The following GRIK2 variants were observed in gnomAD, a reference collection of about 807,000 sequenced individuals.
The protein encoded by GRIK2 is glutamate ionotropic receptor kainate type subunit 2.
A neutral mutation model predicts 100.3 loss-of-function variants in GRIK2; 32 were observed. The observed-to-expected ratio is 0.32, with a 90% CI of 0.24 to 0.43. The LOEUF (loss-of-function observed/expected upper bound fraction) is 0.43. GRIK2 is among the 20% of genes least tolerant of loss of function. The pLI is 1.00. For missense variants in GRIK2, 843 were observed against 1,114.9 expected (o/e 0.76, Z 3.47); for synonymous variants, 417 against 389.4 (o/e 1.07, Z -0.83).
chr6:101,454,632 C>G (rs761144237), intron 2 of GRIK2, among the ~76,000 whole-genome samples: 3 of 152,114 alleles, frequency 2.0e-5, no homozygotes, highest in Non-Finnish European at 4.4e-5. Context: ...ATTTCTAAAA[C>G]TAAACCTTTG....
At chr6:101,415,353 A>G in intron 2 of GRIK2, among the ~76,000 whole-genome samples, 1 of 121,066 alleles carries the variant, frequency 8.3e-6, no homozygotes, top group African/African-American at 3.1e-5. Flanking sequence ...GTCGTCAAGT[A>G]TTTTTCCATA....
At chr6:101,592,588 C>CATATAT (rs3056161) in intron 2 of GRIK2, among the ~76,000 whole-genome samples, 1,782 of 101,722 alleles carry the variant, frequency 0.018, 32 homozygotes, top group African/African-American at 0.019. Context: ...ACTAATATCA[C>CATATAT]ATATATATAT....
At chr6:101,492,205 T>A (rs911444473) in intron 2 of GRIK2, among the ~76,000 whole-genome samples, 1 of 151,938 alleles carries the variant, frequency 6.6e-6, no homozygotes, top group Non-Finnish European at 1.5e-5. Context: ...AGTTTAAACA[T>A]CCTATAATGA....
At chr6:101,606,004 A>C (rs1445898361) in intron 2 of GRIK2, among the ~76,000 whole-genome samples, 1 of 152,046 alleles carries the variant, frequency 6.6e-6, no homozygotes, top group Non-Finnish European at 1.5e-5. Flanking sequence ...ACAGAAATCC[A>C]TAGTTATGAT....
chr6:101,823,192 G>A (rs376557316), intron 10 of GRIK2, among the ~76,000 whole-genome samples: 5 of 152,096 alleles, frequency 3.3e-5, no homozygotes, highest in Admixed American at 2.6e-4. Flanking sequence ...CAATCAAGAC[G>A]GTATAGGAGC....
intron 7 of GRIK2, among the ~76,000 whole-genome samples, chr6:101,717,862 G>T (rs935008659): frequency 2.6e-5 from 4 of 151,764 alleles, no homozygotes; most frequent in African/African-American, 9.7e-5. Flanking sequence ...CAGTTTAGTT[G>T]TATGTGCTTG....
chr6:101,850,685 A>G lies in GRIK2; in HGVS notation c.1318-8602A>G, dbSNP rs562882117. Among the ~76,000 whole-genome samples, 3 of 152,158 alleles carry G rather than the reference A, an allele frequency of 2.0e-5. No homozygotes were observed. The South Asian group carries it at 6.2e-4, about 32-fold the overall frequency. On this transcript the variant is annotated intron_variant, in intron 10 of 16. Transcript: ENST00000369134. ...CCCAGTCTAATGCAGATAAAAATAT[A>G]TGAGTTATTGGGTTCCTTAAAACTG...
chr6:101,402,497 C>T (rs534490495), intron 2 of GRIK2, among the ~76,000 whole-genome samples: 110 of 152,280 alleles, frequency 7.2e-4, no homozygotes, highest in Non-Finnish European at 1.2e-3. Context: ...GAAAAGGTAT[C>T]CGGAGCACCG....
chr6:101,921,095 C>T lies in GRIK2; in HGVS notation c.1749-3506C>T, dbSNP rs1789461943. On this transcript the variant is annotated intron_variant, in intron 12 of 16. Transcript: ENST00000369134. ...ATGAAAAAGACATTCTAGAAGTTTACCGACATAATTTGACAACTGCTGGAG... is the reference window on the plus strand; with the variant it reads ...ATGAAAAAGACATTCTAGAAGTTTATCGACATAATTTGACAACTGCTGGAG... Among the ~76,000 whole-genome samples, 4 of 151,880 alleles carry T rather than the reference C, an allele frequency of 2.6e-5. No homozygotes were observed. The South Asian group carries it at 8.3e-4, about 32-fold the overall frequency.
intron 12 of GRIK2, among the ~76,000 whole-genome samples, chr6:101,904,918 C>T (rs919862402): frequency 4.0e-5 from 6 of 151,494 alleles, no homozygotes; most frequent in South Asian, 2.1e-4. Context: ...ACATTTTTTA[C>T]GATTATAATC....
At chr6:101,626,004 G>A (rs1780418400) in intron 3 of GRIK2, among the ~76,000 whole-genome samples, 2 of 152,130 alleles carry the variant, frequency 1.3e-5, no homozygotes, top group South Asian at 2.1e-4. Flanking sequence ...AATGGAAAAT[G>A]TAAAAACTGT....
At chr6:101,497,647 G>C (rs1296018896) in intron 2 of GRIK2, among the ~76,000 whole-genome samples, 1 of 151,874 alleles carries the variant, frequency 6.6e-6, no homozygotes, top group Non-Finnish European at 1.5e-5. Context: ...ACATATTAAA[G>C]TTTCATACTT....
chr6:101,835,539 C>T (rs1051074941), intron 10 of GRIK2, among the ~76,000 whole-genome samples: 2 of 142,540 alleles, frequency 1.4e-5, no homozygotes, highest in Non-Finnish European at 3.0e-5. Context: ...GGCATGACCT[C>T]GGCTCACTGC....
chr6:101,577,961 A>G (rs1777869224), intron 2 of GRIK2, among the ~76,000 whole-genome samples: 6 of 152,102 alleles, frequency 3.9e-5, no homozygotes, highest in Admixed American at 3.9e-4. Context: ...TGAAGTCTAG[A>G]TCACAAACTT....
chr6:101,731,916 T>C (rs1024652316), intron 7 of GRIK2, among the ~76,000 whole-genome samples: 2 of 152,020 alleles, frequency 1.3e-5, no homozygotes, highest in African/African-American at 2.4e-5. Context: ...TACATAGTTT[T>C]CCTAGGAATT....
intron 2 of GRIK2, among the ~76,000 whole-genome samples, chr6:101,578,110 G>GT (rs1777875198): frequency 6.6e-6 from 1 of 152,160 alleles, no homozygotes; most frequent in African/African-American, 2.4e-5. Flanking sequence ...TACCCTAGAA[G>GT]CCATTGGCTA....
intron 2 of GRIK2, among the ~76,000 whole-genome samples, chr6:101,610,020 A>G (rs1779602674): frequency 6.6e-6 from 1 of 151,776 alleles, no homozygotes; most frequent in South Asian, 2.1e-4. Context: ...AGTAATTTTA[A>G]GAATTTTAAG....
intron 10 of GRIK2, among the ~76,000 whole-genome samples, chr6:101,832,869 C>T (rs1416945532): frequency 6.6e-6 from 1 of 152,160 alleles, no homozygotes; most frequent in African/African-American, 2.4e-5. Context: ...AAGCTATCCT[C>T]ATTACTACTG....
chr6:101,798,177 G>C (rs1278278426), intron 7 of GRIK2, among the ~76,000 whole-genome samples: 1 of 151,178 alleles, frequency 6.6e-6, no homozygotes, highest in African/African-American at 2.4e-5. Flanking sequence ...GCTCTCTTAC[G>C]TTTTGTGCTG....
Sources: gnomAD v4.1 joint callset for allele counts (sites outside exome capture counted in the v4.1 genomes callset) on GRCh38, gnomAD v4.1.1 for gene constraint, MANE v1.5 for transcripts, NCBI Gene and HGNC (gene_info 2026-07-23, HGNC 2026-07-21) for gene names.